Variants in NOS1 observed in about 807,000 individuals in gnomAD.
NOS1 encodes nitric oxide synthase 1.
A neutral mutation model predicts 164.5 loss-of-function variants in NOS1; 51 were observed. That is an observed-to-expected ratio of 0.31 (90% CI 0.25 to 0.39). The LOEUF (loss-of-function observed/expected upper bound fraction) is 0.39, where lower values mean the gene tolerates loss of function less well. Among genes scored for constraint, NOS1 ranks in the 10% least tolerant of loss-of-function variants. NOS1 has a pLI of 1.00. For missense variants in NOS1, 1,362 were observed against 1,885.6 expected, an observed-to-expected ratio of 0.72 and a Z score of 5.14; for synonymous variants, 719 against 745.8, an observed-to-expected ratio of 0.96 and a Z score of 0.59.
intron 22 of NOS1, among the ~76,000 whole-genome samples, chr12:117,229,691 C>T (rs191783416): frequency 6.6e-6 from 1 of 151,694 alleles, no homozygotes; most frequent in South Asian, 2.1e-4. Context: ...TGGGTTCAAG[C>T]GATTCTCCTA....
chr12:117,326,598 C>T (rs1010426913), intron 2 of NOS1, among the ~76,000 whole-genome samples: 10 of 152,128 alleles, frequency 6.6e-5, no homozygotes, highest in African/African-American at 2.4e-4. Context: ...TTTTTGGCCG[C>T]TTTCGGGCAA....
chr12:117,269,460 A>ATTTTTTTTTTTTTTTTTT lies in NOS1; in HGVS notation c.1840-1317_1840-1316insAAAAAAAAAAAAAAAAAA, dbSNP rs200222625. 8.2e-5 allele frequency among the ~76,000 whole-genome samples: 9 copies of ATTTTTTTTTTTTTTTTTT among 110,048 alleles called. 3 individuals carry two copies. Among genetic ancestry groups the ATTTTTTTTTTTTTTTTTT allele is most frequent in the Non-Finnish European group, 6.7e-5 (4 of 59,416 alleles). The allele number at this position is 110,048 out of a possible 152,430, so 72.2% of individuals were successfully genotyped here. A position where few individuals can be genotyped will look rare whatever the true frequency, so the allele number is the denominator to read the frequency against. ...GGCCCAGGGGGCAGGATCTCTGGAGATTTGTTTTTTTTTTTTTTTTTTTTT... is the reference window on the plus strand; with the variant it reads ...GGCCCAGGGGGCAGGATCTCTGGAGATTTTTTTTTTTTTTTTTTTTTGTTTTTTTTTTTTTTTTTTTTT... On this transcript the variant is annotated intron_variant, in intron 10 of 28. Transcript: ENST00000317775.
At chr12:117,320,112 C>T (rs1874848056) in intron 2 of NOS1, among the ~76,000 whole-genome samples, 1 of 152,190 alleles carries the variant, frequency 6.6e-6, no homozygotes, top group Admixed American at 6.5e-5. Flanking sequence ...CGGGCCACAG[C>T]ATTGCTCAAT....
Position 117,227,469 on chromosome 12 carries a change from A to C in NOS1, c.3578T>G (p.Val1193Gly). ...SSSPDMYPDE[V>G]HLTVAIVSYR... ...GGAAACGATGGCCACAGTGAGGTGC[A>C]CTTCATCAGGGTACATGTCTGGGGA... Residue 1193 changes from valine (V) to glycine (G), a missense_variant, in exon 23 of 29, where the codon GTG becomes GGG. Around this residue, in one of 4 missense-constraint regions of NOS1, gnomAD observed 737 missense variants for 1,030.3 expected, o/e 0.72. Transcript: ENST00000317775. 6.2e-7 allele frequency: 1 copy of C among 1,613,736 alleles called. No homozygotes were observed. Among genetic ancestry groups the C allele is most frequent in the Non-Finnish European group, 8.5e-7 (1 of 1,179,914 alleles).
At chr12:117,236,933 G>A (rs747796280) in intron 20 of NOS1, among the ~76,000 whole-genome samples, 1 of 152,190 alleles carries the variant, frequency 6.6e-6, no homozygotes, top group African/African-American at 2.4e-5. Context: ...GGTGGGCCCA[G>A]GCTCTGGCCC....
At chr12:117,279,809 T>TCCTGGTTGC (rs1873483218) in intron 8 of NOS1, among the ~76,000 whole-genome samples, 1 of 152,144 alleles carries the variant, frequency 6.6e-6, no homozygotes, top group Admixed American at 6.5e-5. Context: ...CAGGTGCAGC[T>TCCTGGTTGC]CCTGGTTGCC....
intron 1 of NOS1, among the ~76,000 whole-genome samples, chr12:117,354,220 CTA>C (rs1876760832): frequency 6.7e-6 from 1 of 149,954 alleles, no homozygotes; most frequent in Non-Finnish European, 1.5e-5. Context: ...AAATATTTAT[CTA>C]CGTATATGAG....
chr12:117,314,281 G>A (rs183044173), intron 2 of NOS1, among the ~76,000 whole-genome samples: 5 of 152,258 alleles, frequency 3.3e-5, no homozygotes, highest in Admixed American at 2.0e-4. Context: ...CTACATGATC[G>A]TAAACAGAAG....
At chr12:117,229,562 TTCTA>T (rs58234141) in intron 22 of NOS1, among the ~76,000 whole-genome samples, 28,076 of 149,310 alleles carry the variant, frequency 0.19, 3,302 homozygotes, top group Admixed American at 0.34. Flanking sequence ...TATCAAATTC[TTCTA>T]TCTATCTATC....
chr12:117,243,478 C>T lies in NOS1; in HGVS notation c.2824-43G>A, dbSNP rs746510067. 8 of 1,605,870 alleles carry T rather than the reference C, an allele frequency of 5.0e-6. No homozygotes were observed. The highest frequency in any genetic ancestry group is 2.2e-5 in the East Asian group (1 of 44,678). On this transcript the variant is annotated intron_variant, in intron 18 of 28. Coordinates refer to ENST00000317775, the MANE Select transcript of NOS1 (RefSeq NM_000620.5). The surrounding 1 kb of genome is among the most constrained non-coding windows in gnomAD (Gnocchi z 4.3). ...CTTTCAGTGACCTCTTTCAGCCAAG[C>T]GGATCTCCTCTCCAACAGCTCCAAG... is the stretch of plus-strand genomic sequence containing the variant.
chr12:117,214,991 A>C lies in NOS1; in HGVS notation c.*318T>G, dbSNP rs1434015950. 1.7e-5 allele frequency: 19 copies of C among 1,123,136 alleles called. No individual in the cohort carries two copies. Among genetic ancestry groups the C allele is most frequent in the Non-Finnish European group, 2.1e-5 (19 of 919,724 alleles). The allele number at this position is 1,123,136 out of a possible 1,614,324, so 69.6% of individuals were successfully genotyped here. A position where few individuals can be genotyped will look rare whatever the true frequency, so the allele number is the denominator to read the frequency against. ...TTCCAGGGGAACCCCAGAGAAAAAA[A>C]CCCCCACAGCGACGGCCATGTTCCA... On this transcript the variant is annotated 3_prime_UTR_variant, in exon 29 of 29. Transcript: ENST00000317775.
At chr12:117,252,744 A>C (rs1011691580) in intron 17 of NOS1, among the ~76,000 whole-genome samples, 5 of 152,246 alleles carry the variant, frequency 3.3e-5, no homozygotes, top group African/African-American at 1.2e-4. Context: ...CTATTTTAAA[A>C]TGTCCTGGAG....
At position 117,243,286 on chromosome 12, in the gene NOS1, G is replaced by A. The variant is rs767729800; in HGVS notation, c.2962+11C>T. Reference sequence around the variant, plus strand: ...TCACGAATACCTCCCTGGAAGGGTGGTGGGAGGTACCTTGTGTGAGTTCTG... The same window carrying A: ...TCACGAATACCTCCCTGGAAGGGTGATGGGAGGTACCTTGTGTGAGTTCTG... On this transcript the variant is annotated intron_variant, in intron 19 of 28. Transcript: ENST00000317775. The surrounding 1 kb of genome is among the most constrained non-coding windows in gnomAD (Gnocchi z 4.3). The A allele has an allele frequency of 1.9e-6, 3 of 1,613,828 alleles. No individual in the cohort carries two copies. Among genetic ancestry groups the A allele is most frequent in the East Asian group, 4.5e-5 (2 of 44,870 alleles).
chr12:117,233,033 A>ATTTT (rs1343036261), intron 21 of NOS1, among the ~76,000 whole-genome samples: 1 of 78,420 alleles, frequency 1.3e-5, no homozygotes, highest in Non-Finnish European at 2.4e-5. Flanking sequence ...ATGCCTCACT[A>ATTTT]CTTTTTTTTT....
At chr12:117,219,859 A>C (rs1410182840) in intron 27 of NOS1, among the ~76,000 whole-genome samples, 1 of 152,128 alleles carries the variant, frequency 6.6e-6, no homozygotes, top group East Asian at 1.9e-4. Context: ...GCCTCCAGTC[A>C]TATTTGCTAC....
chr12:117,311,623 G>A (rs746484096), intron 2 of NOS1, 31 bp from the exon 3 acceptor site: 5 of 1,596,622 alleles, frequency 3.1e-6, no homozygotes, highest in Non-Finnish European at 2.6e-6. Flanking sequence ...GGTGAGGAAG[G>A]GGACATCAGG....
chr12:117,289,596 G>A (rs1872915442), intron 4 of NOS1, among the ~76,000 whole-genome samples: 1 of 152,206 alleles, frequency 6.6e-6, no homozygotes, highest in Non-Finnish European at 1.5e-5. Flanking sequence ...ATGTGCCATG[G>A]TGGGCACCTA....
chr12:117,345,409 T>C (rs1435582377), intron 1 of NOS1, among the ~76,000 whole-genome samples: 2 of 152,168 alleles, frequency 1.3e-5, no homozygotes, highest in Non-Finnish European at 1.5e-5. Context: ...CCTCCCTTCC[T>C]GGTGAAATAC....
At chr12:117,318,725 C>G (rs918090628) in intron 2 of NOS1, among the ~76,000 whole-genome samples, 2 of 152,170 alleles carry the variant, frequency 1.3e-5, no homozygotes, top group Non-Finnish European at 2.9e-5. Context: ...GCAGGTGGGC[C>G]AAGCCTGTGT....
Sources: gnomAD v4.1 joint callset for allele counts (sites outside exome capture counted in the v4.1 genomes callset) on GRCh38, gnomAD v4.1.1 for gene constraint, gnomAD v4.1.1 regional missense constraint, Gnocchi (gnomAD v3.1) non-coding constraint, MANE v1.5 for transcripts, NCBI Gene and HGNC (gene_info 2026-07-23, HGNC 2026-07-21) for gene names.